NAALADL2: variants seen among roughly 807,000 people sequenced by gnomAD.
NAALADL2 encodes the protein inactive N-acetylated-alpha-linked acidic dipeptidase-like protein 2.
A neutral mutation model predicts 87.2 loss-of-function variants in NAALADL2; 76 were observed. The observed-to-expected ratio is 0.87, with a 90% CI of 0.72 to 1.05. The LOEUF is 1.05. Among genes scored for constraint, NAALADL2 ranks in the 50% least tolerant of loss-of-function variants. The pLI, the probability that NAALADL2 is intolerant of heterozygous loss-of-function variation, is 0.00. For missense variants in NAALADL2, 1,089 were observed against 945.8 expected (o/e 1.15, Z -1.99); for synonymous variants, 354 against 331.0 (o/e 1.07, Z -0.75).
chr3:175,081,229 A>C (rs556783432), intron 1 of NAALADL2: 2 of 152,356 alleles, frequency 1.3e-5, no homozygotes, highest in African/African-American at 2.4e-5. Flanking sequence ...CAAAATTTCT[A>C]TAAGTGTAAT....
intron 1 of NAALADL2, among the ~76,000 whole-genome samples, chr3:174,927,783 A>G (rs185561663): frequency 1.2e-4 from 18 of 152,306 alleles, no homozygotes; most frequent in Admixed American, 9.8e-4. Context: ...ACACCCTAAC[A>G]TCGCAATTGA....
chr3:174,599,976 T>G (rs1177627550), intron 2 of NAALADL2, among the ~76,000 whole-genome samples: 1 of 152,134 alleles, frequency 6.6e-6, no homozygotes, highest in Non-Finnish European at 1.5e-5. Flanking sequence ...TTAGACTTGA[T>G]AGAAATTTTA....
intron 4 of NAALADL2, among the ~76,000 whole-genome samples, chr3:175,314,423 C>A (rs1248815886): frequency 6.6e-6 from 1 of 150,540 alleles, no homozygotes; most frequent in Non-Finnish European, 1.5e-5. Flanking sequence ...GATAACAAAA[C>A]AAAAATCAAA....
chr3:174,859,312 T>C, upstream of NAALADL2: 4 of 871,948 alleles, frequency 4.6e-6, no homozygotes. Context: ...AGTATACTGT[T>C]ACAATACTAC....
chr3:174,459,547 A>C (rs557911151), intron 1 of NAALADL2: 1 of 152,362 alleles, frequency 6.6e-6, no homozygotes, highest in South Asian at 2.1e-4. Flanking sequence ...GAATTCTGGA[A>C]GTCTGCACTG....
chr3:175,583,061 G>A (rs917902282), intron 10 of NAALADL2, among the ~76,000 whole-genome samples: 20 of 152,230 alleles, frequency 1.3e-4, no homozygotes, highest in Admixed American at 4.6e-4. Context: ...TGTCTAAAAT[G>A]CATTTAATAA....
chr3:175,022,492 T>C (rs1354797943), intron 1 of NAALADL2, among the ~76,000 whole-genome samples: 2 of 152,024 alleles, frequency 1.3e-5, no homozygotes, highest in African/African-American at 4.8e-5. Flanking sequence ...TCTTCTCAAG[T>C]GGGCCTTTCT....
chr3:175,087,415 C>G (rs976013278), intron 1 of NAALADL2, among the ~76,000 whole-genome samples: 1 of 152,116 alleles, frequency 6.6e-6, no homozygotes, highest in Non-Finnish European at 1.5e-5. Flanking sequence ...GTGTACCCAA[C>G]GGCTCATTGA....
At chr3:175,164,414 C>T (rs188440473) in intron 2 of NAALADL2, among the ~76,000 whole-genome samples, 218 of 151,874 alleles carry the variant, frequency 1.4e-3, no homozygotes, top group African/African-American at 4.6e-3. Context: ...TTTCCCTCAA[C>T]TAATAGAAAT....
chr3:174,471,561 G>A (rs1700651316), intron 1 of NAALADL2, among the ~76,000 whole-genome samples: 2 of 134,164 alleles, frequency 1.5e-5, no homozygotes, highest in African/African-American at 5.5e-5. Context: ...AAAATTCCAT[G>A]AGACTATCAA....
chr3:175,732,298 A>G lies in NAALADL2; in HGVS notation c.1897-5008A>G, dbSNP rs529225787. 2.6e-5 allele frequency among the ~76,000 whole-genome samples: 4 copies of G among 152,318 alleles called. No homozygotes were observed. The South Asian group carries it at 6.2e-4, about 24-fold the overall frequency. ...ATGCATAGGATTACGCAATAACTCA[A>G]TGGACTATAGAAACATATTTATGTA... On this transcript the variant is annotated intron_variant, in intron 11 of 13. Transcript: ENST00000454872.
At chr3:175,622,694 A>G (rs1408184074) in intron 10 of NAALADL2, among the ~76,000 whole-genome samples, 1 of 152,160 alleles carries the variant, frequency 6.6e-6, no homozygotes, top group Non-Finnish European at 1.5e-5. Flanking sequence ...TACTAATCTT[A>G]AATAGTTGGG....
In NAALADL2 at chr3:174,478,420, T is replaced by C. The variant is rs542492923; in HGVS notation, c.-184+37388T>C. Among the ~76,000 whole-genome samples, 7 of 152,218 alleles carry C rather than the reference T, an allele frequency of 4.6e-5. No individual in the cohort carries two copies. In the South Asian group the frequency reaches 1.4e-3, roughly 32 times the overall value. On this transcript the variant is annotated intron_variant, in intron 1 of 3. Coordinates refer to the NAALADL2 transcript ENST00000434257. The stretch of plus-strand genomic sequence containing the variant: ...AACTATTTGCTATTTATATGCATGA[T>C]GTATATATAGATAAAATAATGTTTA...
intron 2 of NAALADL2, among the ~76,000 whole-genome samples, chr3:174,654,209 T>C (rs1333623196): frequency 6.6e-6 from 1 of 152,138 alleles, no homozygotes; most frequent in Non-Finnish European, 1.5e-5. Context: ...TGCTATGCTT[T>C]TGATAAATCA....
At chr3:174,844,834 G>GTTT (rs1560280732) in intron 3 of NAALADL2, among the ~76,000 whole-genome samples, 8 of 76,434 alleles carry the variant, frequency 1.0e-4, no homozygotes, top group African/African-American at 4.5e-4. Context: ...TAGTTCTAAT[G>GTTT]GTTTTTTTTT....
At chr3:174,456,411 CAAAA>C (rs59833697) in intron 1 of NAALADL2, among the ~76,000 whole-genome samples, 8 of 56,396 alleles carry the variant, frequency 1.4e-4, no homozygotes, top group South Asian at 1.4e-3. Context: ...CAATCCTAAG[CAAAA>C]AAAAAAAAAA....
At chr3:175,448,562 C>T (rs961263019) in intron 6 of NAALADL2, among the ~76,000 whole-genome samples, 3 of 152,202 alleles carry the variant, frequency 2.0e-5, no homozygotes, top group African/African-American at 7.2e-5. Context: ...GTGCTAGCTC[C>T]ATGCCCTCCC....
At chr3:174,993,237 T>C (rs913016065) in intron 1 of NAALADL2, among the ~76,000 whole-genome samples, 2 of 152,022 alleles carry the variant, frequency 1.3e-5, no homozygotes. Context: ...TAAGAGAAGT[T>C]CAGAGAAAGA....
At chr3:174,687,262 A>G (rs1260135747) in intron 2 of NAALADL2, among the ~76,000 whole-genome samples, 1 of 152,078 alleles carries the variant, frequency 6.6e-6, no homozygotes, top group African/African-American at 2.4e-5. Context: ...TCCCATATTT[A>G]TGGATTGTGT....
Sources: allele counts gnomAD v4.1 joint callset (sites outside exome capture counted in the v4.1 genomes callset), GRCh38; gene constraint gnomAD v4.1.1; transcripts MANE v1.5; gene names NCBI Gene and HGNC (gene_info 2026-07-23, HGNC 2026-07-21).